The following GRXCR1 variants were observed in gnomAD, a reference collection of about 807,000 sequenced individuals.
GRXCR1 encodes the protein glutaredoxin domain-containing cysteine-rich protein 1.
GRXCR1 carries 27 observed loss-of-function variants against 27.3 expected under a neutral mutation model. The ratio of observed to expected loss-of-function variants is 0.99; its 90% confidence interval spans 0.73 to 1.37. The LOEUF is 1.37. GRXCR1 is among the 40% of genes most tolerant of loss of function. GRXCR1 has a pLI of 0.00. For synonymous variants in GRXCR1, 122 were observed against 131.1 expected, an observed-to-expected ratio of 0.93 and a Z score of 0.47; for missense variants, 379 against 354.4, an observed-to-expected ratio of 1.07 and a Z score of -0.56.
chr4:42,968,258 T>G (rs528831517), intron 2 of GRXCR1, among the ~76,000 whole-genome samples: 1 of 152,268 alleles, frequency 6.6e-6, no homozygotes, highest in South Asian at 2.1e-4. Context: ...CATCATCTAT[T>G]TTCTACATCT....
chr4:42,922,268 T>C (rs1008802164), intron 1 of GRXCR1, among the ~76,000 whole-genome samples: 6 of 152,106 alleles, frequency 3.9e-5, no homozygotes, highest in Admixed American at 2.6e-4. Context: ...CCTCCTGGTC[T>C]GTCTGTGGCC....
At position 42,984,236 on chromosome 4, in the gene GRXCR1, T is replaced by C. The variant is rs559452773; in HGVS notation, c.627+21102T>C. Among the ~76,000 whole-genome samples the C allele has an allele frequency of 7.9e-5, 12 of 152,374 alleles. No homozygotes were observed. The South Asian group carries it at 2.5e-3, about 32-fold the overall frequency. On this transcript the variant is annotated intron_variant, in intron 2 of 3. Transcript: ENST00000399770. Reference sequence around the variant, plus strand: ...TTTCAACACCAGGGTTTCTGTTTGATATAAAAACATTTAATCTCTTTTTTA... The same window carrying C: ...TTTCAACACCAGGGTTTCTGTTTGACATAAAAACATTTAATCTCTTTTTTA...
intron 2 of GRXCR1, among the ~76,000 whole-genome samples, chr4:42,987,143 G>GGA (rs533065112): frequency 1.5e-3 from 209 of 144,072 alleles, no homozygotes; most frequent in Non-Finnish European, 2.7e-3. Flanking sequence ...AGAAGGAAGA[G>GGA]GAGAGAGAGA....
At chr4:43,024,259 G>A (rs10020625) in intron 3 of GRXCR1, among the ~76,000 whole-genome samples, 2 of 144,580 alleles carry the variant, frequency 1.4e-5, no homozygotes, top group African/African-American at 5.2e-5. Flanking sequence ...CCCTGAGGGC[G>A]GGTAACCACT....
At chr4:42,934,240 TTA>T (rs3072842) in intron 1 of GRXCR1, among the ~76,000 whole-genome samples, 70 of 146,430 alleles carry the variant, frequency 4.8e-4, no homozygotes, top group East Asian at 3.2e-3. Flanking sequence ...TGATGTGATA[TTA>T]TATATATATA....
At chr4:42,899,454 G>A (rs1404828984) in intron 1 of GRXCR1, among the ~76,000 whole-genome samples, 1 of 152,112 alleles carries the variant, frequency 6.6e-6, no homozygotes, top group Non-Finnish European at 1.5e-5. Context: ...ATCCCCAGAA[G>A]ATTCTCTCTT....
At chr4:42,922,171 A>C (rs757790771) in intron 1 of GRXCR1, among the ~76,000 whole-genome samples, 1 of 152,152 alleles carries the variant, frequency 6.6e-6, no homozygotes, top group Non-Finnish European at 1.5e-5. Flanking sequence ...AATGATTTGC[A>C]CAGTCAAATT....
chr4:42,993,524 G>T (rs573298460), intron 2 of GRXCR1, among the ~76,000 whole-genome samples: 25 of 152,178 alleles, frequency 1.6e-4, no homozygotes, highest in African/African-American at 6.0e-4. Context: ...CACTTAACCT[G>T]TTGAACATTA....
At chr4:42,976,730 T>C (rs1748533149) in intron 2 of GRXCR1, among the ~76,000 whole-genome samples, 1 of 152,024 alleles carries the variant, frequency 6.6e-6, no homozygotes, top group Non-Finnish European at 1.5e-5. Context: ...ATGTACAACA[T>C]GATGTTTTGA....
chr4:42,969,610 A>T (rs1256331138), intron 2 of GRXCR1, among the ~76,000 whole-genome samples: 1 of 152,118 alleles, frequency 6.6e-6, no homozygotes, highest in Non-Finnish European at 1.5e-5. Flanking sequence ...CCAAACAACC[A>T]GATCTCGTGA....
At chr4:42,907,183 G>A (rs982020393) in intron 1 of GRXCR1, among the ~76,000 whole-genome samples, 1 of 152,180 alleles carries the variant, frequency 6.6e-6, no homozygotes, top group African/African-American at 2.4e-5. Context: ...GGCCTCACCT[G>A]TCTTTGGCCA....
intron 2 of GRXCR1, among the ~76,000 whole-genome samples, chr4:43,015,098 C>T (rs1447586225): frequency 6.6e-6 from 1 of 152,074 alleles, no homozygotes; most frequent in East Asian, 1.9e-4. Context: ...AAAAATGGAG[C>T]ATGTGTAAAG....
intron 3 of GRXCR1, 106 bp from the exon 4 acceptor site, chr4:43,030,255 A>G (rs1301575690): frequency 6.2e-6 from 6 of 962,396 alleles, no homozygotes; most frequent in Non-Finnish European, 1.0e-5. Context: ...TATTATGCCA[A>G]TATTGCTTTA....
At chr4:42,994,268 TTA>T (rs1712075222) in intron 2 of GRXCR1, among the ~76,000 whole-genome samples, 1 of 152,120 alleles carries the variant, frequency 6.6e-6, no homozygotes, top group Non-Finnish European at 1.5e-5. Flanking sequence ...TGAAAAGTCA[TTA>T]GTCTTTCAAA....
In GRXCR1 at chr4:42,983,371, T is replaced by A. The variant is rs555220864; in HGVS notation, c.627+20237T>A. Among the ~76,000 whole-genome samples the A allele has an allele frequency of 4.3e-4, 65 of 149,498 alleles. 2 individuals carry two copies. The South Asian group carries it at 0.01, about 23-fold the overall frequency. The stretch of plus-strand genomic sequence containing the variant: ...GTCAAAGATCAGATAGTTGTAGATA[T>A]GCGGCGTTATTTCTGAGGGCTCTGT... On this transcript the variant is annotated intron_variant, in intron 2 of 3. Coordinates refer to ENST00000399770, the MANE Select transcript of GRXCR1 (RefSeq NM_001080476.3).
intron 1 of GRXCR1, among the ~76,000 whole-genome samples, chr4:42,935,911 C>T (rs77511128): frequency 0.024 from 3,607 of 151,926 alleles, 152 homozygotes; most frequent in African/African-American, 0.081. Flanking sequence ...CAGTCTTTTA[C>T]ACTAAATAAC....
chr4:42,964,818 T>C (rs1309328994), intron 2 of GRXCR1, among the ~76,000 whole-genome samples: 2 of 152,084 alleles, frequency 1.3e-5, no homozygotes, highest in Non-Finnish European at 2.9e-5. Flanking sequence ...TGCCTCATCA[T>C]ATTCTTTTGT....
At chr4:42,977,499 C>T (rs1748550900) in intron 2 of GRXCR1, among the ~76,000 whole-genome samples, 1 of 152,060 alleles carries the variant, frequency 6.6e-6, no homozygotes. Context: ...TAATATTAGC[C>T]ATTCTAGCAG....
chr4:43,023,461 G>T (rs1481265037), intron 3 of GRXCR1, among the ~76,000 whole-genome samples: 1 of 152,190 alleles, frequency 6.6e-6, no homozygotes, highest in African/African-American at 2.4e-5. Flanking sequence ...AATTGCTGGG[G>T]AAGCTGAGTC....
Sources: allele counts gnomAD v4.1 joint callset (sites outside exome capture counted in the v4.1 genomes callset), GRCh38; gene constraint gnomAD v4.1.1; transcripts MANE v1.5; gene names NCBI Gene and HGNC (gene_info 2026-07-23, HGNC 2026-07-21).